Variants in FRAS1 observed in about 807,000 individuals in gnomAD.
FRAS1 encodes extracellular matrix organizing protein FRAS1.
Under a neutral mutation model 435.2 loss-of-function variants are expected in FRAS1, and 290 were observed. The observed-to-expected ratio is 0.67, with a 90% CI of 0.61 to 0.73. FRAS1 has a LOEUF of 0.73. FRAS1 is among the 30% of genes least tolerant of loss of function. FRAS1 has a pLI of 0.00. For missense variants in FRAS1, 4,860 were observed against 5,001.5 expected (o/e 0.97, Z 0.85); for synonymous variants, 1,800 against 1,851.0 (o/e 0.97, Z 0.71).
intron 58 of FRAS1, among the ~76,000 whole-genome samples, chr4:78,487,248 GA>G (rs1234261597): frequency 6.6e-6 from 1 of 152,178 alleles, no homozygotes; most frequent in Non-Finnish European, 1.5e-5. Flanking sequence ...AGTATCATCT[GA>G]CTTTTCATTT....
chr4:78,317,443 T>A lies in FRAS1; in HGVS notation c.1895T>A (p.Leu632Gln), dbSNP rs1343471774. ...ACAGCCTGCAGCCCCCCCAAGGCTC[T>A]GCGTCAAGGCCACTGTCTGCCCCGC... is the stretch of plus-strand genomic sequence containing the variant. ...HCTACSPPKALRQGHCLPRCG... is the reference protein window; with the variant it reads ...HCTACSPPKAQRQGHCLPRCG... The change falls in exon 17 of 74, where the codon CTG becomes CAG. Residue 632 changes from leucine (L) to glutamine (Q), a missense_variant. Physicochemically the swap from Leu to Gln is moderately radical, Grantham distance 113. Transcript: ENST00000512123. The A allele has an allele frequency of 3.7e-6, 6 of 1,613,826 alleles. No homozygotes were observed. Among genetic ancestry groups the A allele is most frequent in the Non-Finnish European group, 5.1e-6 (6 of 1,179,872 alleles).
intron 2 of FRAS1, among the ~76,000 whole-genome samples, chr4:78,191,492 T>A (rs1722529731): frequency 6.6e-6 from 1 of 151,940 alleles, no homozygotes; most frequent in African/African-American, 2.4e-5. Flanking sequence ...TAAAGAAATC[T>A]GTTCGCACTA....
intron 14 of FRAS1, among the ~76,000 whole-genome samples, chr4:78,307,779 C>T (rs949606809): frequency 2.0e-5 from 3 of 152,296 alleles, no homozygotes; most frequent in Non-Finnish European, 4.4e-5. Flanking sequence ...GAGATCAACC[C>T]GGTACCTCAG....
chr4:78,507,712 C>T, intron 62 of FRAS1, 104 bp downstream of exon 62: 5 of 1,119,980 alleles, frequency 4.5e-6, no homozygotes, highest in Non-Finnish European at 6.1e-6. Context: ...CCCAGTGGTT[C>T]CCAACCAGGA....
At position 78,102,907 on chromosome 4, in the gene FRAS1, G is replaced by A. The variant is rs139409143; in HGVS notation, c.108+36891G>A. On this transcript the variant is annotated intron_variant, in intron 2 of 73. Coordinates refer to ENST00000512123, the MANE Select transcript of FRAS1 (RefSeq NM_025074.7). ...ATTTGTATCTTATAGATAACAAAAC[G>A]CTTTTGGAAATGGCATGGGGTGTAT... 2.5e-4 allele frequency among the ~76,000 whole-genome samples: 38 copies of A among 152,232 alleles called. No homozygotes were observed. The East Asian group carries it at 2.9e-3, about 12-fold the overall frequency.
chr4:78,467,269 C>A (rs1719561261), intron 50 of FRAS1, among the ~76,000 whole-genome samples: 1 of 152,156 alleles, frequency 6.6e-6, no homozygotes, highest in Admixed American at 6.5e-5. Flanking sequence ...TCCTCTCTCT[C>A]TCCATGGGTT....
intron 18 of FRAS1, among the ~76,000 whole-genome samples, chr4:78,330,583 TG>T (rs35982051): frequency 6.6e-6 from 1 of 152,132 alleles, no homozygotes; most frequent in African/African-American, 2.4e-5. Flanking sequence ...AATGCGCGCC[TG>T]GGGGGTCTCT....
In FRAS1 at chr4:78,118,868, A is replaced by C. The variant is rs369993077; in HGVS notation, c.108+52852A>C. The stretch of plus-strand genomic sequence containing the variant: ...CACTCCCCAGTGAGATGCACCCAGT[A>C]CCTCAGTTGGAAATGCAGAAATCAC... On this transcript the variant is annotated intron_variant, in intron 2 of 73. Coordinates refer to ENST00000512123, the MANE Select transcript of FRAS1 (RefSeq NM_025074.7). Among the ~76,000 whole-genome samples the C allele has an allele frequency of 3.9e-4, 60 of 152,192 alleles. 2 individuals are homozygous for C. Among genetic ancestry groups the C allele is most frequent in the African/African-American group, 1.4e-3 (58 of 41,516 alleles).
At chr4:78,302,980 T>G (rs1425961689) in intron 14 of FRAS1, among the ~76,000 whole-genome samples, 1 of 152,206 alleles carries the variant, frequency 6.6e-6, no homozygotes, top group Non-Finnish European at 1.5e-5. Context: ...CTAGGGTTTT[T>G]ATGGTTTTAG....
intron 2 of FRAS1, among the ~76,000 whole-genome samples, chr4:78,163,585 C>T (rs767472568): frequency 5.3e-5 from 8 of 152,152 alleles, no homozygotes; most frequent in Non-Finnish European, 1.2e-4. Flanking sequence ...CCCTGCCCTA[C>T]CCCACAAAGA....
chr4:78,134,391 C>T (rs916898849), intron 2 of FRAS1, among the ~76,000 whole-genome samples: 6 of 152,104 alleles, frequency 3.9e-5, no homozygotes, highest in African/African-American at 1.2e-4. Flanking sequence ...TTGTCTCTTC[C>T]TCTCATGTCA....
intron 14 of FRAS1, among the ~76,000 whole-genome samples, chr4:78,295,849 G>A (rs369412902): frequency 8.5e-4 from 129 of 151,566 alleles, no homozygotes; most frequent in African/African-American, 3.0e-3. Context: ...AGGTTCGAAC[G>A]ATTCTCCTGC....
In FRAS1 at chr4:78,286,558, A is replaced by G. The variant is rs6829493; in HGVS notation, c.1534+19A>G. On this transcript the variant is annotated intron_variant, in intron 14 of 73. Coordinates refer to ENST00000512123, the MANE Select transcript of FRAS1 (RefSeq NM_025074.7). ...TGTGCAGGTAATCTCTGGCTGGGCCACAGTTGGGCCAGCTACCAAGACAGC... is the reference window on the plus strand; with the variant it reads ...TGTGCAGGTAATCTCTGGCTGGGCCGCAGTTGGGCCAGCTACCAAGACAGC... 4,326 of 1,608,772 alleles carry G rather than the reference A, an allele frequency of 2.7e-3. 101 individuals are homozygous for G. In the African/African-American group the frequency reaches 0.047, roughly 18 times the overall value.
At chr4:78,125,174 T>G (rs1719273214) in intron 2 of FRAS1, among the ~76,000 whole-genome samples, 2 of 152,214 alleles carry the variant, frequency 1.3e-5, no homozygotes, top group Admixed American at 6.5e-5. Context: ...GTCCTAGTGA[T>G]TTTGGTACGT....
rs1246221362 is a variant in FRAS1, at chr4:78,057,919, C to T, written c.-91C>T. 8.0e-7 allele frequency: 1 copy of T among 1,249,444 alleles called. No homozygotes were observed. The highest frequency in any genetic ancestry group is 1.2e-6 in the Non-Finnish European group (1 of 861,484). The allele number at this position is 1,249,444 out of a possible 1,614,324, so 77.4% of individuals were successfully genotyped here. On this transcript the variant is annotated 5_prime_UTR_variant, in exon 1 of 74. Transcript: ENST00000512123. The surrounding 1 kb of genome is among the most constrained non-coding windows in gnomAD (Gnocchi z 4.2). The stretch of plus-strand genomic sequence containing the variant: ...CCGCGGTCCCCCACCTTCAGTGCGC[C>T]CGGGTTCCAAGCGCCGGAGCCAGCG...
rs773725815 is a variant in FRAS1 at position 78,438,762 on chromosome 4, G to T, written c.5366+44G>T. 44 of 1,539,952 alleles carry T rather than the reference G, an allele frequency of 2.9e-5. No homozygotes were observed. The South Asian group carries it at 4.0e-4, about 14-fold the overall frequency. On this transcript the variant is annotated intron_variant, in intron 39 of 73. Coordinates refer to ENST00000512123, the MANE Select transcript of FRAS1 (RefSeq NM_025074.7). The stretch of plus-strand genomic sequence containing the variant: ...TTATTTGACAGATTCTTAAAAACTT[G>T]TATGAAAATATTTCAGCAACTGGTT...
intron 20 of FRAS1, among the ~76,000 whole-genome samples, chr4:78,359,498 T>A (rs1418763934): frequency 6.6e-6 from 1 of 152,144 alleles, no homozygotes; most frequent in Non-Finnish European, 1.5e-5. Context: ...TAAAAATCAG[T>A]CAACCAACCT....
chr4:78,100,684 G>A (rs1346303041), intron 2 of FRAS1, among the ~76,000 whole-genome samples: 1 of 152,188 alleles, frequency 6.6e-6, no homozygotes, highest in African/African-American at 2.4e-5. Context: ...GGCACTCTGT[G>A]CTTTTTTCAC....
chr4:78,518,444 ATATATATATTTATTTATT>A (rs1051288683), intron 66 of FRAS1, among the ~76,000 whole-genome samples: 10 of 132,678 alleles, frequency 7.5e-5, no homozygotes, highest in South Asian at 2.3e-4. Context: ...ATATATATAT[ATATATATATTTATTTATT>A]TATTTATTTG....
Sources: gnomAD v4.1 joint callset for allele counts (sites outside exome capture counted in the v4.1 genomes callset) on GRCh38, gnomAD v4.1.1 for gene constraint, Gnocchi (gnomAD v3.1) non-coding constraint, MANE v1.5 for transcripts, NCBI Gene and HGNC (gene_info 2026-07-23, HGNC 2026-07-21) for gene names.